Variants in LONRF1 observed in about 807,000 individuals in gnomAD.
LONRF1 encodes the protein LON peptidase N-terminal domain and RING finger protein 1.
Under a neutral mutation model 85.8 loss-of-function variants are expected in LONRF1, and 37 were observed. That is an observed-to-expected ratio of 0.43 (90% CI 0.33 to 0.57). The LOEUF is 0.57. Ranked by LOEUF, LONRF1 falls within the 20% of genes least tolerant of loss-of-function variation. The probability of loss-of-function intolerance (pLI) is 0.04; values close to 1 mark genes in which losing one functional copy is unlikely to be tolerated. For missense variants in LONRF1, 1,036 were observed against 978.0 expected (o/e 1.06, Z -0.79); for synonymous variants, 517 against 390.1 (o/e 1.33, Z -3.83).
chr8:12,737,261 A>C, intron 4 of LONRF1, 121 bp from the exon 5 acceptor site: 9 of 1,190,760 alleles, frequency 7.6e-6, no homozygotes, highest in Non-Finnish European at 1.1e-5. Flanking sequence ...TGTTCATTTA[A>C]TAGCACTAAC....
At chr8:12,752,621 G>C (rs983256580) in intron 1 of LONRF1, among the ~76,000 whole-genome samples, 2 of 152,158 alleles carry the variant, frequency 1.3e-5, no homozygotes, top group Admixed American at 1.3e-4. Context: ...TTGAAAAAAA[G>C]AGAGATTACA....
intron 2 of LONRF1, among the ~76,000 whole-genome samples, chr8:12,741,892 T>A (rs1798946521): frequency 1.4e-5 from 1 of 72,926 alleles, no homozygotes. Flanking sequence ...TAATTATCAC[T>A]GATAAACCCA....
chr8:12,750,484 A>G lies in LONRF1; in HGVS notation c.721+4216T>C, dbSNP rs138270990. 5.2e-3 allele frequency among the ~76,000 whole-genome samples: 785 copies of G among 152,342 alleles called. 4 individuals are homozygous for G. The highest frequency in any genetic ancestry group is 0.018 in the African/African-American group (753 of 41,582). On this transcript the variant is annotated intron_variant, in intron 1 of 11. Coordinates refer to ENST00000398246, the MANE Select transcript of LONRF1 (RefSeq NM_152271.5). ...ATAACTGATGATAAAATAGAACAAT[A>G]TAACAATATGCTGTGATAAAACGTA...
chr8:12,739,941 G>A (rs746005414), intron 3 of LONRF1, among the ~76,000 whole-genome samples: 9 of 152,090 alleles, frequency 5.9e-5, no homozygotes, highest in African/African-American at 9.7e-5. Flanking sequence ...TTCTTAAGGC[G>A]GCTGAGATCT....
intron 7 of LONRF1, among the ~76,000 whole-genome samples, chr8:12,733,328 ATG>A (rs5889396): frequency 0.87 from 132,161 of 152,008 alleles, 58,813 homozygotes; most frequent in Non-Finnish European, 0.96. Context: ...ATCTCAATAA[ATG>A]TAACATTTCT....
chr8:12,739,471 G>A (rs145838817), intron 3 of LONRF1, among the ~76,000 whole-genome samples: 4 of 152,208 alleles, frequency 2.6e-5, no homozygotes, highest in Admixed American at 2.0e-4. Context: ...GCCTCTAGGA[G>A]CAGGGGATGG....
At chr8:12,741,336 A>G (rs1798927208) in intron 2 of LONRF1, among the ~76,000 whole-genome samples, 1 of 152,330 alleles carries the variant, frequency 6.6e-6, no homozygotes, top group South Asian at 2.1e-4. Flanking sequence ...GTGAGCTGAG[A>G]TCACACCAAT....
At chr8:12,752,343 T>G (rs1799441510) in intron 1 of LONRF1, among the ~76,000 whole-genome samples, 1 of 152,232 alleles carries the variant, frequency 6.6e-6, no homozygotes, top group Non-Finnish European at 1.5e-5. Flanking sequence ...TGTGAGACAC[T>G]TATAAATCGG....
At chr8:12,751,304 T>TTTTTTTTG (rs1799388531) in intron 1 of LONRF1, among the ~76,000 whole-genome samples, 1 of 122,100 alleles carries the variant, frequency 8.2e-6, no homozygotes, top group Non-Finnish European at 1.7e-5. Context: ...ATGTTTTTTT[T>TTTTTTTTG]TTTTTTTTTT....
At chr8:12,735,603 G>A (rs750584896) in intron 6 of LONRF1, 3 of 529,308 alleles carry the variant, frequency 5.7e-6, no homozygotes, top group Middle Eastern at 5.1e-4. Context: ...AAGGCCTCCT[G>A]CCAAAGGCCT....
chr8:12,733,330 GT>G (rs1798599702), intron 7 of LONRF1, among the ~76,000 whole-genome samples: 1 of 5,416 alleles, frequency 1.8e-4, no homozygotes, highest in African/African-American at 2.1e-4. Flanking sequence ...CTCAATAAAT[GT>G]AACATTTCTG....
intron 1 of LONRF1, chr8:12,753,498 G>A (rs951089639): frequency 6.6e-6 from 1 of 152,128 alleles, no homozygotes; most frequent in Non-Finnish European, 1.5e-5. Context: ...ATTCTTTGTT[G>A]TGGGAATCCT....
At position 12,754,455 on chromosome 8, in the gene LONRF1, C is replaced by T. The variant is rs1414211645; in HGVS notation, c.721+245G>A. ...CCAGGCCGCGGCCGAGGGAACCCCG[C>T]GCCGAGCGCCCCTCCCCGCGCCGCG... On this transcript the variant is annotated intron_variant, in intron 1 of 11. Transcript: ENST00000398246. 1.9e-4 allele frequency: 69 copies of T among 363,850 alleles called. No individual in the cohort carries two copies. In the East Asian group the frequency reaches 3.2e-3, roughly 17 times the overall value. 22.5% of individuals were successfully genotyped at this position (363,850 alleles called of 1,614,324 possible).
intron 3 of LONRF1, among the ~76,000 whole-genome samples, chr8:12,738,479 G>C (rs556150546): frequency 6.6e-6 from 1 of 152,278 alleles, no homozygotes; most frequent in Admixed American, 6.5e-5. Flanking sequence ...ATCTTAGTGA[G>C]CCCTATGCTA....
At chr8:12,726,534 T>C (rs547887284) in intron 10 of LONRF1, among the ~76,000 whole-genome samples, 9 of 152,216 alleles carry the variant, frequency 5.9e-5, no homozygotes, top group South Asian at 4.1e-4. Flanking sequence ...GTCACCAAAC[T>C]GCAAATGTAA....
At chr8:12,748,286 C>T (rs1467693147) in intron 1 of LONRF1, among the ~76,000 whole-genome samples, 2 of 152,160 alleles carry the variant, frequency 1.3e-5, no homozygotes, top group African/African-American at 4.8e-5. Context: ...CTCACCGCAG[C>T]CTCGACCTCC....
rs1456181057 is a variant in LONRF1 at position 12,722,017 on chromosome 8, C to G, written c.*1079G>C. The G allele has an allele frequency of 6.6e-6, 1 of 152,430 alleles. No individual in the cohort carries two copies. The highest frequency in any genetic ancestry group is 1.5e-5 in the Non-Finnish European group (1 of 67,992). The allele number at this position is 152,430 out of a possible 1,614,324, so 9.4% of individuals were successfully genotyped here. On this transcript the variant is annotated 3_prime_UTR_variant, in exon 12 of 12. Coordinates refer to ENST00000398246, the MANE Select transcript of LONRF1 (RefSeq NM_152271.5). ...GTTAATAAGGACAGTCACAAATTTG[C>G]AACAAATAATTACAAAAGTTTCTAG...
chr8:12,747,688 C>T (rs144762899), intron 1 of LONRF1, among the ~76,000 whole-genome samples: 3,811 of 152,072 alleles, frequency 0.025, 95 homozygotes, highest in South Asian at 0.12. Context: ...AAGTTGAAAA[C>T]TTTCTTTACA....
At chr8:12,735,639 G>A (rs1271357816) in intron 6 of LONRF1, 1 of 438,530 alleles carries the variant, frequency 2.3e-6, no homozygotes, top group Admixed American at 3.8e-5. Context: ...GAGCTGTCCT[G>A]ACTAACGCAA....
Sources: gnomAD v4.1 joint callset for allele counts (sites outside exome capture counted in the v4.1 genomes callset) on GRCh38, gnomAD v4.1.1 for gene constraint, MANE v1.5 for transcripts, NCBI Gene and HGNC (gene_info 2026-07-23, HGNC 2026-07-21) for gene names.